Variants in TBXAS1 observed in about 807,000 individuals in gnomAD.
TBXAS1 encodes the protein thromboxane A synthase 1.
Under a neutral mutation model 60.7 loss-of-function variants are expected in TBXAS1, and 48 were observed. The observed-to-expected ratio is 0.79, with a 90% CI of 0.63 to 1.01. TBXAS1 has a LOEUF of 1.01. Among genes scored for constraint, TBXAS1 ranks in the 50% least tolerant of loss-of-function variants. The pLI is 0.00. For synonymous variants in TBXAS1, 287 were observed against 269.7 expected, an observed-to-expected ratio of 1.06 and a Z score of -0.63; for missense variants, 685 against 686.3, an observed-to-expected ratio of 1.00 and a Z score of 0.02.
At chr7:139,834,725 A>T (rs1451716912) in intron 1 of TBXAS1, among the ~76,000 whole-genome samples, 1 of 152,194 alleles carries the variant, frequency 6.6e-6, no homozygotes, top group Non-Finnish European at 1.5e-5. Flanking sequence ...CCTAGTTGAG[A>T]TGGATAAATT....
chr7:139,782,090 G>A (rs913133557), intron 2 of TBXAS1, among the ~76,000 whole-genome samples: 1 of 151,742 alleles, frequency 6.6e-6, no homozygotes, highest in Non-Finnish European at 1.5e-5. Context: ...CAATGAGAGG[G>A]GTCTGGGAGC....
chr7:140,004,388 G>T lies in TBXAS1; in HGVS notation c.1135-2703G>T, dbSNP rs1813902135. ...AAGAAAACTCAATGTTAAATTATTAGCAAGCATTTTACCATTCATCTTTAT... is the reference window on the plus strand; with the variant it reads ...AAGAAAACTCAATGTTAAATTATTATCAAGCATTTTACCATTCATCTTTAT... On this transcript the variant is annotated intron_variant, in intron 9 of 12. Coordinates refer to ENST00000448866, the MANE Select transcript of TBXAS1 (RefSeq NM_001061.7). This position sits in a 1 kb window ranked among gnomAD's most constrained non-coding sequence, Gnocchi z 5.1. Among the ~76,000 whole-genome samples, 1 of 152,154 alleles carries T rather than the reference G, an allele frequency of 6.6e-6. No homozygotes were observed. Among genetic ancestry groups the T allele is most frequent in the Admixed American group, 6.5e-5 (1 of 15,286 alleles).
intron 3 of TBXAS1, among the ~76,000 whole-genome samples, chr7:139,878,215 T>TAG (rs3070224): frequency 2.2e-5 from 3 of 137,828 alleles, no homozygotes; most frequent in Non-Finnish European, 4.8e-5. Context: ...TAGAAAGAGA[T>TAG]AGAGAGAGAT....
At chr7:139,887,046 T>C (rs906191031) in intron 3 of TBXAS1, among the ~76,000 whole-genome samples, 1 of 152,094 alleles carries the variant, frequency 6.6e-6, no homozygotes, top group African/African-American at 2.4e-5. Context: ...TGTTCATGAG[T>C]ACCAGGGCTT....
chr7:139,896,257 G>C lies in TBXAS1; in HGVS notation c.237-14968G>C, dbSNP rs943676664. 5.9e-5 allele frequency among the ~76,000 whole-genome samples: 9 copies of C among 152,144 alleles called. 1 individual carries two copies. Among genetic ancestry groups the C allele is most frequent in the African/African-American group, 1.9e-4 (8 of 41,412 alleles). On this transcript the variant is annotated intron_variant, in intron 3 of 12. Coordinates refer to ENST00000448866, the MANE Select transcript of TBXAS1 (RefSeq NM_001061.7). The surrounding 1 kb of genome is among the most constrained non-coding windows in gnomAD (Gnocchi z 4.0). ...GCAGGTCAGTAGAGGAAAGGACCAG[G>C]TGCCACAGAAACTACAAGGAGCGAA... is the stretch of plus-strand genomic sequence containing the variant.
chr7:139,845,157 G>A (rs1030809198), intron 1 of TBXAS1, among the ~76,000 whole-genome samples: 5 of 152,098 alleles, frequency 3.3e-5, no homozygotes, highest in African/African-American at 1.2e-4. Context: ...GCCTTCCCAC[G>A]GGTCTCCCTG....
intron 7 of TBXAS1, among the ~76,000 whole-genome samples, chr7:139,955,865 G>A (rs943328682): frequency 6.6e-6 from 1 of 152,230 alleles, no homozygotes; most frequent in Non-Finnish European, 1.5e-5. Context: ...GGGACGCACC[G>A]TGTTAGGCAC....
At chr7:139,890,419 G>T (rs1569508792) in intron 3 of TBXAS1, among the ~76,000 whole-genome samples, 1 of 151,922 alleles carries the variant, frequency 6.6e-6, no homozygotes, top group Non-Finnish European at 1.5e-5. Flanking sequence ...GTTTCACCTT[G>T]TTAGCCAGGA....
intron 4 of TBXAS1, among the ~76,000 whole-genome samples, chr7:139,818,031 C>T (rs1798195637): frequency 6.6e-6 from 1 of 152,220 alleles, no homozygotes; most frequent in African/African-American, 2.4e-5. Flanking sequence ...CAGGCATTCT[C>T]CCAGTCACTG....
chr7:139,836,141 C>T (rs1178676065), intron 1 of TBXAS1, among the ~76,000 whole-genome samples: 1 of 151,948 alleles, frequency 6.6e-6, no homozygotes. Flanking sequence ...GGGAAAACTA[C>T]AAAATGCTGC....
At chr7:139,941,914 C>T (rs1808321950) in intron 5 of TBXAS1, among the ~76,000 whole-genome samples, 1 of 152,178 alleles carries the variant, frequency 6.6e-6, no homozygotes, top group Non-Finnish European at 1.5e-5. Context: ...CCCAGGTTAG[C>T]ACTAGATTTA....
chr7:139,952,020 G>GA (rs1295592921), intron 5 of TBXAS1, among the ~76,000 whole-genome samples: 1 of 144,350 alleles, frequency 6.9e-6, no homozygotes. Flanking sequence ...GAAAAAGAAA[G>GA]GAAGGAAGGA....
chr7:140,009,633 C>T (rs1162871580), intron 10 of TBXAS1, among the ~76,000 whole-genome samples: 4 of 120,026 alleles, frequency 3.3e-5, no homozygotes, highest in Non-Finnish European at 5.4e-5. Flanking sequence ...CACACCTGCC[C>T]CACACCCACC....
intron 4 of TBXAS1, among the ~76,000 whole-genome samples, chr7:139,796,610 G>T (rs950296976): frequency 5.9e-5 from 9 of 152,210 alleles, no homozygotes; most frequent in African/African-American, 1.7e-4. Context: ...ACAACACAAA[G>T]AGTGAACCTT....
At position 139,962,073 on chromosome 7, in the gene TBXAS1, C is replaced by G. The variant is rs2117380769; in HGVS notation, c.974C>G (p.Pro325Arg). The G allele has an allele frequency of 6.2e-7, 1 of 1,614,238 alleles. No homozygotes were observed. Among genetic ancestry groups the G allele is most frequent in the East Asian group, 2.2e-5 (1 of 44,878 alleles). ...RQHQPSPMAR[P>R]LTVDEIVGQA... ...CACCAGCCCAGCCCTATGGCCAGGC[C>G]TTTGACTGTGGATGAGATTGTGGGC... The change falls in exon 9 of 13, where the codon CCT becomes CGT. Residue 325 changes from proline to arginine, a missense_variant. By Grantham distance (103) the Pro-to-Arg change is moderately radical. Coordinates refer to ENST00000448866, the MANE Select transcript of TBXAS1 (RefSeq NM_001061.7).
At position 139,815,081 on chromosome 7, in the gene TBXAS1, GA is replaced by G. The variant is rs555497743; in HGVS notation, c.-79-14228del. The stretch of plus-strand genomic sequence containing the variant: ...CAAACTGTCTACATGATACTGATAA[GA>G]AACAGGATTCGAATCTCAATTTTGC... On this transcript the variant is annotated intron_variant, in intron 4 of 16. Transcript: ENST00000336425. Among the ~76,000 whole-genome samples the G allele has an allele frequency of 1.2e-4, 18 of 152,330 alleles. No individual in the cohort carries two copies. In the South Asian group the frequency reaches 2.9e-3, roughly 25 times the overall value.
chr7:140,003,912 C>T (rs946499443), intron 9 of TBXAS1, among the ~76,000 whole-genome samples: 2 of 152,200 alleles, frequency 1.3e-5, no homozygotes, highest in African/African-American at 4.8e-5. Context: ...GGTTACCTGC[C>T]AGGAGCAGAT....
chr7:139,824,850 GAC>G (rs1480723356), upstream of TBXAS1, among the ~76,000 whole-genome samples: 36 of 76,496 alleles, frequency 4.7e-4, 1 homozygote, highest in Non-Finnish European at 7.0e-4. Context: ...TTTTTTTTGA[GAC>G]AGAGTCTTGC....
intron 6 of TBXAS1, among the ~76,000 whole-genome samples, chr7:139,953,942 C>G (rs1584942953): frequency 6.6e-6 from 1 of 152,202 alleles, no homozygotes; most frequent in East Asian, 1.9e-4. Flanking sequence ...TGGCCACAAG[C>G]AGCCCAGGAT....
Sources: gnomAD v4.1 joint callset for allele counts (sites outside exome capture counted in the v4.1 genomes callset) on GRCh38, gnomAD v4.1.1 for gene constraint, Gnocchi (gnomAD v3.1) non-coding constraint, MANE v1.5 for transcripts, NCBI Gene and HGNC (gene_info 2026-07-23, HGNC 2026-07-21) for gene names.